Variants in TSHR observed in about 807,000 individuals in gnomAD.
The protein encoded by TSHR is thyrotropin receptor.
A neutral mutation model predicts 64.1 loss-of-function variants in TSHR; 51 were observed. That is an observed-to-expected ratio of 0.80 (90% CI 0.64 to 1.01). TSHR has a LOEUF of 1.01. Among genes scored for constraint, TSHR ranks in the 50% least tolerant of loss-of-function variants. The probability of loss-of-function intolerance (pLI) is 0.00; values close to 1 mark genes in which losing one functional copy is unlikely to be tolerated. For missense variants in TSHR, 877 were observed against 942.8 expected (o/e 0.93, Z 0.91); for synonymous variants, 361 against 361.9 (o/e 1.00, Z 0.03).
intron 3 of TSHR, among the ~76,000 whole-genome samples, chr14:81,074,436 C>T (rs991418381): frequency 1.3e-5 from 2 of 152,078 alleles, no homozygotes; most frequent in African/African-American, 4.8e-5. Flanking sequence ...AAATATAGAG[C>T]TGAAAGATCA....
chr14:81,094,067 A>T (rs144853683), intron 6 of TSHR: 274 of 152,204 alleles, frequency 1.8e-3, no homozygotes, highest in African/African-American at 6.2e-3. Context: ...ATATTTCCTA[A>T]AATATAGAGG....
chr14:81,092,658 C>A, intron 6 of TSHR, 50 bp downstream of exon 6: 1 of 1,556,752 alleles, frequency 6.4e-7, no homozygotes, highest in Non-Finnish European at 8.9e-7. Flanking sequence ...CTATTTTGAG[C>A]CATTTTCATA....
intron 1 of TSHR, among the ~76,000 whole-genome samples, chr14:81,044,004 A>G (rs1258769818): frequency 6.6e-6 from 1 of 152,228 alleles, no homozygotes; most frequent in Non-Finnish European, 1.5e-5. Context: ...TCTAGGCAAT[A>G]CCATTCAGGA....
At chr14:80,977,412 A>G (rs1253837036) in intron 1 of TSHR, among the ~76,000 whole-genome samples, 5 of 152,140 alleles carry the variant, frequency 3.3e-5, no homozygotes, top group African/African-American at 1.2e-4. Flanking sequence ...TGACATTCTG[A>G]CTTAATGTAT....
intron 1 of TSHR, chr14:81,012,438 T>C (rs1889965030): frequency 6.6e-6 from 1 of 151,756 alleles, no homozygotes; most frequent in Non-Finnish European, 1.5e-5. Flanking sequence ...TGATTTATAG[T>C]CCTTTGGGTA....
chr14:80,986,679 G>A (rs1002972811), intron 1 of TSHR, among the ~76,000 whole-genome samples: 3 of 152,260 alleles, frequency 2.0e-5, no homozygotes, highest in Admixed American at 6.5e-5. Context: ...TAGAGATGGG[G>A]TTTCATCGTG....
At chr14:81,000,228 G>A (rs568153064) in intron 1 of TSHR, among the ~76,000 whole-genome samples, 10 of 117,586 alleles carry the variant, frequency 8.5e-5, no homozygotes, top group Admixed American at 7.1e-4. Flanking sequence ...CACCGCACCC[G>A]GCCAAAATTT....
intron 7 of TSHR, among the ~76,000 whole-genome samples, chr14:81,105,823 C>G (rs1197045645): frequency 1.3e-5 from 2 of 152,168 alleles, no homozygotes; most frequent in East Asian, 3.8e-4. Context: ...TTTTCAACAG[C>G]CTGGGAACAG....
At chr14:81,073,940 CA>C (rs564634889) in intron 3 of TSHR, among the ~76,000 whole-genome samples, 2 of 152,122 alleles carry the variant, frequency 1.3e-5, no homozygotes, top group Admixed American at 6.5e-5. Flanking sequence ...TTTGCCCCTT[CA>C]CCAAAAATAA....
intron 3 of TSHR, among the ~76,000 whole-genome samples, chr14:81,081,155 C>G (rs1887875386): frequency 6.6e-6 from 1 of 152,078 alleles, no homozygotes; most frequent in South Asian, 2.1e-4. Context: ...CCACTGCACT[C>G]CAGCCTGGGC....
intron 1 of TSHR, among the ~76,000 whole-genome samples, chr14:80,990,741 G>A (rs780470149): frequency 9.9e-5 from 15 of 151,914 alleles, no homozygotes; most frequent in African/African-American, 2.2e-4. Context: ...CGCAACCTCC[G>A]CCTCCTGGGT....
intron 7 of TSHR, among the ~76,000 whole-genome samples, chr14:81,102,258 G>C (rs540711723): frequency 6.6e-6 from 1 of 151,886 alleles, no homozygotes. Context: ...CTCTCCGTAC[G>C]TTCACACCAG....
intron 1 of TSHR, among the ~76,000 whole-genome samples, chr14:80,978,136 T>C (rs4903956): frequency 0.27 from 40,780 of 149,022 alleles, 6,476 homozygotes; most frequent in South Asian, 0.39. Context: ...CACACATGCA[T>C]GTGCACTTTT....
At chr14:81,041,947 C>A (rs1884943575) in intron 1 of TSHR, among the ~76,000 whole-genome samples, 1 of 152,074 alleles carries the variant, frequency 6.6e-6, no homozygotes. Flanking sequence ...AGAATATATT[C>A]CAACCCTTAA....
intron 1 of TSHR, among the ~76,000 whole-genome samples, chr14:81,022,205 G>T (rs1883799078): frequency 6.6e-6 from 1 of 152,050 alleles, no homozygotes; most frequent in African/African-American, 2.4e-5. Context: ...GAGAGGCGGA[G>T]CTTGCAGTGA....
rs112869598 is a variant in TSHR at position 80,956,781 on chromosome 14, A to G, written c.170+931A>G. Among the ~76,000 whole-genome samples the G allele has an allele frequency of 4.9e-3, 744 of 152,300 alleles. 6 individuals are homozygous for G. The highest frequency in any genetic ancestry group is 0.017 in the African/African-American group (703 of 41,552). ...CTCAAGAATTTAGCTCATGAAGACT[A>G]TTTAACAGTAGATGAATATTTGAGC... On this transcript the variant is annotated intron_variant, in intron 1 of 9. Coordinates refer to ENST00000298171, the MANE Select transcript of TSHR (RefSeq NM_000369.5).
At chr14:80,992,128 G>C (rs540078322) in intron 1 of TSHR, 5 of 152,152 alleles carry the variant, frequency 3.3e-5, no homozygotes, top group African/African-American at 1.2e-4. Context: ...TGGGCTGGGC[G>C]TGGTGGCTCA....
rs1566794383 is a variant in TSHR, at chr14:81,073,015, AAAATAAATAT to A, written c.317+4689_317+4698del. 4.3e-5 allele frequency among the ~76,000 whole-genome samples: 4 copies of A among 92,056 alleles called. 1 individual carries two copies. Among genetic ancestry groups the A allele is most frequent in the Non-Finnish European group, 6.4e-5 (3 of 46,772 alleles). The allele number at this position is 92,056 out of a possible 152,430, so 60.4% of individuals were successfully genotyped here. A position where few individuals can be genotyped will look rare whatever the true frequency, so the allele number is the denominator to read the frequency against. ...CCGTCTCAAAAAAAAAAAAAAATAA[AAAATAAATAT>A]ATATATATATATATATATATATATA... On this transcript the variant is annotated intron_variant, in intron 3 of 9. Coordinates refer to ENST00000298171, the MANE Select transcript of TSHR (RefSeq NM_000369.5).
intron 1 of TSHR, among the ~76,000 whole-genome samples, chr14:80,961,107 T>C (rs1314265317): frequency 6.6e-6 from 1 of 152,252 alleles, no homozygotes; most frequent in Non-Finnish European, 1.5e-5. Context: ...AACTGGGTCC[T>C]TCTAATATTC....
Sources: gnomAD v4.1 joint callset for allele counts (sites outside exome capture counted in the v4.1 genomes callset) on GRCh38, gnomAD v4.1.1 for gene constraint, MANE v1.5 for transcripts, NCBI Gene and HGNC (gene_info 2026-07-23, HGNC 2026-07-21) for gene names.